Variants in ATP10B observed in about 807,000 individuals in gnomAD.
ATP10B encodes the protein ATPase phospholipid transporting 10B (putative), also known as phospholipid-transporting ATPase VB.
ATP10B carries 122 observed loss-of-function variants against 141.2 expected under a neutral mutation model. The ratio of observed to expected loss-of-function variants is 0.86; its 90% CI spans 0.75 to 1.00. The LOEUF (loss-of-function observed/expected upper bound fraction) is 1.00. Ranked by LOEUF, ATP10B falls within the 50% of genes least tolerant of loss-of-function variation. ATP10B has a pLI of 0.00. For synonymous variants in ATP10B, 685 were observed against 692.0 expected (o/e 0.99, Z 0.16); for missense variants, 1,876 against 1,825.3 (o/e 1.03, Z -0.51).
At chr5:160,652,876 AATATATATATAATTATATAATATATT>A (rs1247243941) in intron 7 of ATP10B, among the ~76,000 whole-genome samples, 1,291 of 48,936 alleles carry the variant, frequency 0.026, 2 homozygotes, top group Non-Finnish European at 0.035. Context: ...TAATATATAT[AATATATATATAATTATATAATATATT>A]ATATATACAT....
intron 5 of ATP10B, 89 bp downstream of exon 5, chr5:160,687,711 G>A: frequency 1.4e-6 from 2 of 1,430,008 alleles, no homozygotes; most frequent in Non-Finnish European, 1.9e-6. Context: ...GTTGCAGTGA[G>A]CCGAGATTGC....
intron 5 of ATP10B, among the ~76,000 whole-genome samples, chr5:160,686,707 G>T (rs1353614441): frequency 6.6e-6 from 1 of 151,066 alleles, no homozygotes; most frequent in Non-Finnish European, 1.5e-5. Flanking sequence ...TTTACTCGTT[G>T]TGTGATTTTT....
At chr5:160,784,903 T>G (rs564785680) in intron 2 of ATP10B, among the ~76,000 whole-genome samples, 2 of 152,170 alleles carry the variant, frequency 1.3e-5, no homozygotes, top group African/African-American at 4.8e-5. Context: ...TAGTTTTGTT[T>G]ATATATCCCC....
chr5:160,637,055 T>TCCATCCATCCAC (rs1759452247), intron 10 of ATP10B, among the ~76,000 whole-genome samples: 4 of 134,640 alleles, frequency 3.0e-5, no homozygotes, highest in Non-Finnish European at 4.7e-5. Context: ...CATCCATCCA[T>TCCATCCATCCAC]CCATCCATCC....
intron 1 of ATP10B, among the ~76,000 whole-genome samples, chr5:160,810,837 A>G (rs908271294): frequency 5.9e-5 from 9 of 152,110 alleles, no homozygotes; most frequent in African/African-American, 2.2e-4. Context: ...TTTTCATGTG[A>G]TGTTGATCTT....
At chr5:160,707,764 A>G (rs1257322492) in intron 3 of ATP10B, among the ~76,000 whole-genome samples, 1 of 152,218 alleles carries the variant, frequency 6.6e-6, no homozygotes, top group Admixed American at 6.5e-5. Context: ...AACAGAAGAA[A>G]GAGAAGAGAC....
chr5:160,684,870 T>G, intron 6 of ATP10B: 1 of 702,602 alleles, frequency 1.4e-6, no homozygotes, highest in Non-Finnish European at 2.6e-6. Flanking sequence ...TATTGATGAC[T>G]TTATCCGATT....
chr5:160,803,598 C>T (rs1318206962), intron 1 of ATP10B, among the ~76,000 whole-genome samples: 4 of 152,144 alleles, frequency 2.6e-5, no homozygotes, highest in Non-Finnish European at 5.9e-5. Flanking sequence ...ATCATTGGAA[C>T]CCCGGAGGTG....
intron 1 of ATP10B, among the ~76,000 whole-genome samples, chr5:160,815,503 C>A (rs1012476115): frequency 3.9e-5 from 6 of 152,064 alleles, no homozygotes; most frequent in African/African-American, 1.4e-4. Context: ...TCCTTAGAGA[C>A]CTACAAAGAG....
intron 2 of ATP10B, among the ~76,000 whole-genome samples, chr5:160,755,833 AAAAAAATATATATATATATATATATAT>A (rs1768526040): frequency 2.8e-5 from 2 of 71,350 alleles, no homozygotes; most frequent in African/African-American, 1.7e-4. Context: ...AAAAAAAAAA[AAAAAAATATATATATATATATATATAT>A]ATATATATAT....
chr5:160,624,836 C>G (rs1042953673), intron 13 of ATP10B, among the ~76,000 whole-genome samples: 2 of 152,160 alleles, frequency 1.3e-5, no homozygotes, highest in Admixed American at 1.3e-4. Flanking sequence ...TCCTGAACTG[C>G]TAGTCTAAGG....
chr5:160,820,201 C>G (rs966120708), intron 1 of ATP10B, among the ~76,000 whole-genome samples: 1 of 151,368 alleles, frequency 6.6e-6, no homozygotes, highest in African/African-American at 2.4e-5. Context: ...GACCTTACAA[C>G]TGATACCACA....
intron 18 of ATP10B, among the ~76,000 whole-genome samples, chr5:160,610,839 T>C (rs1389954747): frequency 6.6e-6 from 1 of 152,198 alleles, no homozygotes; most frequent in Non-Finnish European, 1.5e-5. Flanking sequence ...AACACTTCAG[T>C]GATTAGTTAG....
In ATP10B at chr5:160,714,667, T is replaced by C. The variant is rs1265270035; in HGVS notation, c.-205+2242A>G. ...GTTCTGTTGCTGGTGAGGAACTGCG[T>C]TCCTTTGGAGGAGGAGAGGCGCTCT... is the stretch of plus-strand genomic sequence containing the variant. On this transcript the variant is annotated intron_variant, in intron 3 of 25. Coordinates refer to ENST00000327245, the MANE Select transcript of ATP10B (RefSeq NM_025153.3). 4.4e-5 allele frequency among the ~76,000 whole-genome samples: 5 copies of C among 112,636 alleles called. No individual in the cohort carries two copies. The Admixed American group carries it at 4.5e-4, about 10-fold the overall frequency. 73.9% of individuals were successfully genotyped at this position (112,636 alleles called of 152,430 possible).
At chr5:160,910,464 G>T in the ATP10B span, among the ~76,000 whole-genome samples, 3 of 152,162 alleles carry the variant, frequency 2.0e-5, no homozygotes, top group Admixed American at 1.3e-4. Flanking sequence ...CGAGAACAAA[G>T]TCTGGCCCGT....
At chr5:160,568,056 A>G (rs1754653613) in intron 25 of ATP10B, among the ~76,000 whole-genome samples, 1 of 152,164 alleles carries the variant, frequency 6.6e-6, no homozygotes, top group African/African-American at 2.4e-5. Context: ...CTTTGTCCCA[A>G]GTGGGTAGCA....
chr5:160,625,628 C>T (rs1031371726), intron 13 of ATP10B, among the ~76,000 whole-genome samples: 8 of 152,194 alleles, frequency 5.3e-5, no homozygotes, highest in Non-Finnish European at 1.2e-4. Context: ...CTCCCATCCT[C>T]TTATAACACA....
chr5:160,800,530 C>G (rs1581556818), intron 1 of ATP10B, among the ~76,000 whole-genome samples: 2 of 152,292 alleles, frequency 1.3e-5, no homozygotes, highest in South Asian at 4.1e-4. Flanking sequence ...TAACGTTAGC[C>G]ATTGTTAGGG....
Position 160,785,603 on chromosome 5 carries a change from C to T in ATP10B, c.-375G>A. 8.2e-6 allele frequency: 9 copies of T among 1,094,300 alleles called. No individual in the cohort carries two copies. Among genetic ancestry groups the T allele is most frequent in the South Asian group, 1.3e-5 (1 of 77,072 alleles). 67.8% of individuals were successfully genotyped at this position (1,094,300 alleles called of 1,614,324 possible). On this transcript the variant is annotated 5_prime_UTR_variant, in exon 2 of 26. Transcript: ENST00000327245. ...TCTTGTTCCTCTTTCTCCTTCCCTC[C>T]TTTTTGAAGTCTCAGTGTTTATTGT...
Sources: gnomAD v4.1 joint callset for allele counts (sites outside exome capture counted in the v4.1 genomes callset) on GRCh38, gnomAD v4.1.1 for gene constraint, MANE v1.5 for transcripts, NCBI Gene and HGNC (gene_info 2026-07-23, HGNC 2026-07-21) for gene names.